Variants in SYN3 observed in about 807,000 individuals in gnomAD.
SYN3 encodes synapsin-3.
SYN3 carries 35 observed loss-of-function variants against 65.8 expected under a neutral mutation model. The ratio of observed to expected loss-of-function variants is 0.53; its 90% CI spans 0.41 to 0.70. The LOEUF (loss-of-function observed/expected upper bound fraction) is 0.70, where lower values mean the gene tolerates loss of function less well. SYN3 is among the 30% of genes least tolerant of loss of function. The pLI is 0.00. For synonymous variants in SYN3, 270 were observed against 292.9 expected, an observed-to-expected ratio of 0.92 and a Z score of 0.80; for missense variants, 680 against 749.0, an observed-to-expected ratio of 0.91 and a Z score of 1.08.
chr22:32,562,798 C>T (rs533306735), intron 7 of SYN3, among the ~76,000 whole-genome samples: 11 of 152,372 alleles, frequency 7.2e-5, no homozygotes, highest in Non-Finnish European at 5.9e-5. Flanking sequence ...TTCATTGCTT[C>T]GGGCCATGTC....
intron 7 of SYN3, among the ~76,000 whole-genome samples, chr22:32,547,768 C>T (rs907604833): frequency 3.3e-5 from 5 of 152,168 alleles, no homozygotes; most frequent in African/African-American, 4.8e-5. Flanking sequence ...AAATCCAACC[C>T]GGGATGGGAA....
intron 1 of SYN3, among the ~76,000 whole-genome samples, chr22:33,033,913 G>A (rs928601141): frequency 3.3e-5 from 5 of 152,132 alleles, no homozygotes; most frequent in South Asian, 4.2e-4. Context: ...AGCCAGGCAC[G>A]GTGGTTCACG....
At chr22:32,588,283 C>A (rs1422320914) in intron 7 of SYN3, among the ~76,000 whole-genome samples, 2 of 152,162 alleles carry the variant, frequency 1.3e-5, no homozygotes, top group Non-Finnish European at 2.9e-5. Flanking sequence ...GCCGCAAGTT[C>A]TTATCTTCTA....
chr22:32,710,024 C>T lies in SYN3; in HGVS notation c.712-113288G>A, dbSNP rs1464431815. Among the ~76,000 whole-genome samples, 3 of 150,164 alleles carry T rather than the reference C, an allele frequency of 2.0e-5. No homozygotes were observed. The East Asian group carries it at 6.0e-4, about 30-fold the overall frequency. On this transcript the variant is annotated intron_variant, in intron 6 of 13. Coordinates refer to ENST00000358763, the MANE Select transcript of SYN3 (RefSeq NM_003490.4). ...TAACCTGGACTGATTATTTTGGATA[C>T]ATTACCCCAAAAAAGTGTTTCTAAG...
chr22:32,743,133 C>A (rs906395742), intron 6 of SYN3, among the ~76,000 whole-genome samples: 2 of 152,188 alleles, frequency 1.3e-5, no homozygotes, highest in African/African-American at 4.8e-5. Context: ...ATTTTTTTAA[C>A]ACTAGCTATT....
chr22:33,004,370 A>G (rs2053145694), intron 2 of SYN3, among the ~76,000 whole-genome samples: 2 of 152,252 alleles, frequency 1.3e-5, no homozygotes, highest in African/African-American at 4.8e-5. Flanking sequence ...GCAAAACTAT[A>G]GGGATGGAGC....
rs139467420 is a variant in SYN3, at chr22:32,993,835, G to C, written c.311+12517C>G. Reference sequence around the variant, plus strand: ...TCAGCACCAGCCTCAAGACCCCACAGCATCTGCAGAGTTCTTTAGAAAGGC... The same window carrying C: ...TCAGCACCAGCCTCAAGACCCCACACCATCTGCAGAGTTCTTTAGAAAGGC... On this transcript the variant is annotated intron_variant, in intron 2 of 13. Transcript: ENST00000358763. Among the ~76,000 whole-genome samples the C allele has an allele frequency of 1.8e-3, 274 of 152,284 alleles. 1 individual carries two copies. Among genetic ancestry groups the C allele is most frequent in the African/African-American group, 6.4e-3 (267 of 41,564 alleles).
intron 6 of SYN3, among the ~76,000 whole-genome samples, chr22:32,650,988 TCA>T (rs2060062138): frequency 6.6e-6 from 1 of 152,160 alleles, no homozygotes; most frequent in African/African-American, 2.4e-5. Flanking sequence ...GAATAGAAGG[TCA>T]GTCACTTGAG....
intron 6 of SYN3, among the ~76,000 whole-genome samples, chr22:32,814,935 T>C (rs767832139): frequency 8.5e-5 from 13 of 152,256 alleles, no homozygotes; most frequent in Non-Finnish European, 1.9e-4. Flanking sequence ...AAACCCAATA[T>C]GTATAAAATA....
chr22:33,032,483 T>A (rs537355231), intron 1 of SYN3, among the ~76,000 whole-genome samples: 116 of 151,334 alleles, frequency 7.7e-4, no homozygotes, highest in Non-Finnish European at 1.4e-3. Flanking sequence ...CCAGCCTGGG[T>A]GACAGAGCAA....
intron 3 of SYN3, among the ~76,000 whole-genome samples, chr22:32,953,122 A>G (rs899773984): frequency 6.6e-6 from 1 of 152,246 alleles, no homozygotes; most frequent in African/African-American, 2.4e-5. Context: ...GCCTCCTCAT[A>G]GTTGATAAGA....
At position 33,006,630 on chromosome 22, in the gene SYN3, G is replaced by C; in HGVS notation, c.33C>G (p.Ser11Arg). 3 of 1,600,254 alleles carry C rather than the reference G, an allele frequency of 1.9e-6. No homozygotes were observed. Among genetic ancestry groups the C allele is most frequent in the Non-Finnish European group, 2.6e-6 (3 of 1,172,492 alleles). The part of the protein sequence containing the change: MNFLRRRLSD[S>R]SFMANLPNGY... The stretch of plus-strand genomic sequence containing the variant: ...CATTAGGCAGGTTGGCCATGAAGCT[G>C]CTGTCAGAGAGACGTCGCCGGAGGA... The change falls in exon 2 of 14, where the codon AGC (serine) becomes AGG (arginine). Residue 11 changes from serine (S) to arginine (R), a missense_variant. Physicochemically the swap from Ser to Arg is moderately radical, Grantham distance 110 (BLOSUM62 -1). Transcript: ENST00000358763.
chr22:32,770,472 G>A (rs1036941635), intron 6 of SYN3, among the ~76,000 whole-genome samples: 7 of 151,888 alleles, frequency 4.6e-5, no homozygotes, highest in East Asian at 1.9e-4. Flanking sequence ...GCCTCTCCTC[G>A]TCACTCTCTC....
At chr22:32,925,547 G>A (rs1043961924) in intron 4 of SYN3, among the ~76,000 whole-genome samples, 6 of 152,168 alleles carry the variant, frequency 3.9e-5, no homozygotes, top group African/African-American at 1.4e-4. Flanking sequence ...GAAGAATATG[G>A]CAGGTCTAGA....
intron 6 of SYN3, among the ~76,000 whole-genome samples, chr22:32,635,381 T>C (rs767346108): frequency 1.3e-5 from 2 of 152,208 alleles, no homozygotes; most frequent in Non-Finnish European, 2.9e-5. Flanking sequence ...TCAGTAGATG[T>C]TGGTTGAACT....
chr22:32,570,666 C>A (rs777643883), intron 7 of SYN3, among the ~76,000 whole-genome samples: 19 of 152,086 alleles, frequency 1.2e-4, no homozygotes, highest in Non-Finnish European at 1.8e-4. Flanking sequence ...AGCTTAGAAT[C>A]TCAGTGTGAA....
At chr22:32,665,503 ATATATATG>A (rs1213681553) in intron 6 of SYN3, among the ~76,000 whole-genome samples, 6 of 144,316 alleles carry the variant, frequency 4.2e-5, no homozygotes, top group African/African-American at 1.7e-4. Flanking sequence ...ATATATATAT[ATATATATG>A]TCTCACATAT....
chr22:32,964,422 A>C (rs79137484), intron 3 of SYN3, among the ~76,000 whole-genome samples: 2 of 44,116 alleles, frequency 4.5e-5, no homozygotes, highest in African/African-American at 2.3e-4. Flanking sequence ...AGTATAATAA[A>C]AAAAAAAAAA....
At chr22:32,743,834 T>A (rs1427177392) in intron 6 of SYN3, among the ~76,000 whole-genome samples, 1 of 152,014 alleles carries the variant, frequency 6.6e-6, no homozygotes, top group Admixed American at 6.5e-5. Context: ...AAGCCTCCTT[T>A]TGGGGGCCTC....
Sources: gnomAD v4.1 joint callset for allele counts (sites outside exome capture counted in the v4.1 genomes callset) on GRCh38, gnomAD v4.1.1 for gene constraint, MANE v1.5 for transcripts, NCBI Gene and HGNC (gene_info 2026-07-23, HGNC 2026-07-21) for gene names.